Variants in COL28A1 observed in about 807,000 individuals in gnomAD.
The protein encoded by COL28A1 is collagen alpha-1(XXVIII) chain.
COL28A1 carries 161 observed loss-of-function variants against 150.2 expected under a neutral mutation model. The ratio of observed to expected loss-of-function variants is 1.07; its 90% CI spans 0.94 to 1.22. The LOEUF is 1.22. Among genes scored for constraint, COL28A1 ranks in the 50% most tolerant of loss-of-function variants. The pLI, the probability that COL28A1 is intolerant of heterozygous loss-of-function variation, is 0.00. For missense variants in COL28A1, 1,617 were observed against 1,388.3 expected (o/e 1.16, Z -2.62); for synonymous variants, 552 against 469.7 (o/e 1.18, Z -2.26).
chr7:7,368,216 T>G (rs1188553151), intron 33 of COL28A1, among the ~76,000 whole-genome samples: 1 of 151,872 alleles, frequency 6.6e-6, no homozygotes, highest in African/African-American at 2.4e-5. Flanking sequence ...GGCCTATAGA[T>G]GAAGTTCAAG....
chr7:7,508,038 C>T (rs575799021), intron 9 of COL28A1, among the ~76,000 whole-genome samples: 6 of 152,132 alleles, frequency 3.9e-5, no homozygotes, highest in African/African-American at 1.4e-4. Context: ...GGAGACCATC[C>T]TGGCTAACAC....
chr7:7,482,370 C>T (rs1779378271), intron 13 of COL28A1, among the ~76,000 whole-genome samples: 1 of 151,800 alleles, frequency 6.6e-6, no homozygotes, highest in African/African-American at 2.4e-5. Context: ...ATTAAAAATA[C>T]AAAAATTAGC....
At chr7:7,445,951 C>A (rs530157494) in intron 18 of COL28A1, among the ~76,000 whole-genome samples, 1 of 151,936 alleles carries the variant, frequency 6.6e-6, no homozygotes, top group African/African-American at 2.4e-5. Context: ...CTCCGCCTCC[C>A]GGGTTCAAGT....
intron 20 of COL28A1, 89 bp from the exon 21 acceptor site, chr7:7,440,950 C>T (rs1045606687): frequency 3.7e-5 from 25 of 677,768 alleles, no homozygotes; most frequent in Non-Finnish European, 3.5e-5. Context: ...GCCGGATTCT[C>T]GACTAATACC....
intron 27 of COL28A1, among the ~76,000 whole-genome samples, chr7:7,396,501 T>C (rs1298660381): frequency 6.6e-6 from 1 of 152,190 alleles, no homozygotes; most frequent in Non-Finnish European, 1.5e-5. Context: ...CTTCCAGTGT[T>C]TTAAAATCCT....
intron 18 of COL28A1, among the ~76,000 whole-genome samples, chr7:7,448,186 G>T (rs959790383): frequency 2.0e-5 from 3 of 152,120 alleles, no homozygotes; most frequent in Non-Finnish European, 4.4e-5. Context: ...ATAGATCTAA[G>T]AATATCAGTG....
In COL28A1 at chr7:7,370,821, T is replaced by G; in HGVS notation, c.2970A>C (p.Gln990His). 6.2e-7 allele frequency: 1 copy of G among 1,613,590 alleles called. No individual in the cohort carries two copies. The highest frequency in any genetic ancestry group is 8.5e-7 in the Non-Finnish European group (1 of 1,179,666). The change falls in exon 33 of 35, where the codon CAA (glutamine) becomes CAC (histidine). Residue 990 changes from glutamine to histidine, a missense_variant. Gln to His is a conservative substitution (Grantham distance 24, BLOSUM62 0). Transcript: ENST00000399429. ...GTTGAGGTGACGATGAACCAAAAAT[T>G]TGAACGAGATAGGAATCAAAATCCT... ...ICEDFDSYLV[Q>H]IFGSSSPQPG...
intron 15 of COL28A1, among the ~76,000 whole-genome samples, chr7:7,462,990 A>G (rs1787759713): frequency 6.6e-6 from 1 of 152,090 alleles, no homozygotes; most frequent in Non-Finnish European, 1.5e-5. Flanking sequence ...CAAACAAAAA[A>G]GAATAAGAAA....
chr7:7,482,940 G>A (rs572887699), intron 13 of COL28A1, among the ~76,000 whole-genome samples: 1 of 152,330 alleles, frequency 6.6e-6, no homozygotes, highest in East Asian at 1.9e-4. Context: ...GTGGGAAGAA[G>A]GCTAGGAAAT....
rs113886517 is a variant in COL28A1 at position 7,392,639 on chromosome 7, A to G, written c.2137-11027T>C. 2.6e-3 allele frequency among the ~76,000 whole-genome samples: 398 copies of G among 152,310 alleles called. 1 individual carries two copies. The highest frequency in any genetic ancestry group is 9.4e-3 in the African/African-American group (389 of 41,554). ...TCAAACGTAGGTTTGGTCTTTTCACATAGTCCCATATTTCTTGGAGGCTTT... is the reference window on the plus strand; with the variant it reads ...TCAAACGTAGGTTTGGTCTTTTCACGTAGTCCCATATTTCTTGGAGGCTTT... On this transcript the variant is annotated intron_variant, in intron 27 of 34. Transcript: ENST00000399429.
intron 2 of COL28A1, 110 bp downstream of exon 2, chr7:7,532,642 C>T: frequency 2.2e-6 from 3 of 1,341,384 alleles, no homozygotes; most frequent in Non-Finnish European, 1.0e-6. Flanking sequence ...TAGACTATCA[C>T]ATGTATACAT....
chr7:7,498,693 A>G (rs554864125), intron 11 of COL28A1, among the ~76,000 whole-genome samples: 1 of 152,336 alleles, frequency 6.6e-6, no homozygotes, highest in East Asian at 1.9e-4. Flanking sequence ...CAAACTTGCT[A>G]TTGCAACTTA....
At chr7:7,346,876 A>G in the COL28A1 span, among the ~76,000 whole-genome samples, 34 of 152,086 alleles carry the variant, frequency 2.2e-4, no homozygotes, top group Admixed American at 2.6e-4. Context: ...TGTTATGCCA[A>G]CATTCCACTT....
chr7:7,448,334 T>C (rs1021582122), intron 18 of COL28A1, among the ~76,000 whole-genome samples: 1 of 151,912 alleles, frequency 6.6e-6, no homozygotes, highest in East Asian at 1.9e-4. Context: ...GAGAAACAAA[T>C]ATAAGGATAA....
At chr7:7,351,652 A>T (rs568964422), downstream of COL28A1, among the ~76,000 whole-genome samples, 2 of 152,292 alleles carry the variant, frequency 1.3e-5, no homozygotes, top group African/African-American at 4.8e-5. Flanking sequence ...TTTAAATGAA[A>T]GATTTTTTCA....
chr7:7,484,849 A>T (rs1779535467), intron 13 of COL28A1, among the ~76,000 whole-genome samples: 1 of 152,198 alleles, frequency 6.6e-6, no homozygotes, highest in South Asian at 2.1e-4. Flanking sequence ...ATGGAGCTAG[A>T]AGCGCTTATC....
chr7:7,465,429 TC>T (rs1307419434), intron 15 of COL28A1, among the ~76,000 whole-genome samples: 3 of 139,894 alleles, frequency 2.1e-5, no homozygotes, highest in East Asian at 4.4e-4. Context: ...CGAGACTATA[TC>T]CCCCACCTGG....
intron 16 of COL28A1, among the ~76,000 whole-genome samples, chr7:7,455,764 A>G (rs1189915730): frequency 6.6e-6 from 1 of 152,238 alleles, no homozygotes; most frequent in African/African-American, 2.4e-5. Flanking sequence ...GGAACTAAAA[A>G]TATTGCACCA....
intron 27 of COL28A1, among the ~76,000 whole-genome samples, chr7:7,399,582 T>G (rs944784098): frequency 1.3e-5 from 2 of 152,148 alleles, no homozygotes; most frequent in African/African-American, 4.8e-5. Flanking sequence ...TAGCCTGGGT[T>G]CCTCTCAGGT....
Sources: allele counts gnomAD v4.1 joint callset (sites outside exome capture counted in the v4.1 genomes callset), GRCh38; gene constraint gnomAD v4.1.1; transcripts MANE v1.5; gene names NCBI Gene and HGNC (gene_info 2026-07-23, HGNC 2026-07-21).